Variants in NSMCE2 observed in about 807,000 individuals in gnomAD.
The protein encoded by NSMCE2 is E3 SUMO-protein ligase NSE2.
In NSMCE2, 24 loss-of-function variants were observed where a neutral mutation model predicts 23.8. The ratio of observed to expected loss-of-function variants is 1.01; its 90% confidence interval spans 0.73 to 1.42. NSMCE2 has a LOEUF of 1.42. NSMCE2 is among the 40% of genes most tolerant of loss of function. The pLI is 0.00. For missense variants in NSMCE2, 284 were observed against 296.5 expected, an observed-to-expected ratio of 0.96 and a Z score of 0.31; for synonymous variants, 92 against 94.1, an observed-to-expected ratio of 0.98 and a Z score of 0.13.
At chr8:125,254,155 A>G (rs756702381) in intron 5 of NSMCE2, among the ~76,000 whole-genome samples, 21 of 152,198 alleles carry the variant, frequency 1.4e-4, no homozygotes, top group East Asian at 1.9e-4. Context: ...TTTGACTCCA[A>G]TATTACATTT....
intron 5 of NSMCE2, among the ~76,000 whole-genome samples, chr8:125,237,202 A>G (rs891885059): frequency 6.6e-6 from 1 of 152,154 alleles, no homozygotes; most frequent in Non-Finnish European, 1.5e-5. Flanking sequence ...CTGAAAAGTA[A>G]ACTGAGAAGT....
intron 5 of NSMCE2, among the ~76,000 whole-genome samples, chr8:125,311,839 G>A (rs1436716088): frequency 6.6e-6 from 1 of 152,146 alleles, no homozygotes; most frequent in Non-Finnish European, 1.5e-5. Context: ...AGCACTTTGG[G>A]AGGCCAAGGC....
intron 3 of NSMCE2, among the ~76,000 whole-genome samples, chr8:125,129,749 GTTTC>G (rs555369700): frequency 1.4e-3 from 208 of 152,070 alleles, no homozygotes; most frequent in African/African-American, 4.2e-3. Flanking sequence ...TCTTTTTGCA[GTTTC>G]TTTCACCTCA....
rs546085758 is a variant in NSMCE2 at position 125,235,133 on chromosome 8, C to T, written c.418+52877C>T. 4.0e-5 allele frequency among the ~76,000 whole-genome samples: 6 copies of T among 151,738 alleles called. No individual in the cohort carries two copies. The South Asian group carries it at 8.4e-4, about 21-fold the overall frequency. ...GCACACGCCTGTAATCCCAGCTACT[C>T]GGGAGGCTGAGGCGGGAGAATCACT... On this transcript the variant is annotated intron_variant, in intron 5 of 7. Transcript: ENST00000287437.
At chr8:125,358,547 A>G (rs541251402) in intron 7 of NSMCE2, among the ~76,000 whole-genome samples, 3 of 152,044 alleles carry the variant, frequency 2.0e-5, no homozygotes, top group African/African-American at 7.2e-5. Flanking sequence ...CCCTTCTTCC[A>G]TGACCACGGA....
chr8:125,349,416 T>G (rs1812936196), intron 5 of NSMCE2, among the ~76,000 whole-genome samples: 1 of 152,164 alleles, frequency 6.6e-6, no homozygotes, highest in Non-Finnish European at 1.5e-5. Context: ...CTTCATATGC[T>G]ACTTTCATAG....
chr8:125,291,959 A>G (rs576734159), intron 5 of NSMCE2, among the ~76,000 whole-genome samples: 4 of 152,184 alleles, frequency 2.6e-5, no homozygotes, highest in African/African-American at 4.8e-5. Flanking sequence ...GGCTCTTTCC[A>G]TCTTGTGGTT....
At chr8:125,246,781 A>G (rs575883057) in intron 5 of NSMCE2, among the ~76,000 whole-genome samples, 21 of 152,320 alleles carry the variant, frequency 1.4e-4, no homozygotes, top group Non-Finnish European at 2.5e-4. Flanking sequence ...AAATAAAAAC[A>G]TTATGTACAA....
chr8:125,120,257 G>C (rs1272508752), intron 3 of NSMCE2, among the ~76,000 whole-genome samples: 1 of 152,158 alleles, frequency 6.6e-6, no homozygotes, highest in Non-Finnish European at 1.5e-5. Context: ...TGTCAGAGAA[G>C]GGCAAGAAAG....
intron 5 of NSMCE2, among the ~76,000 whole-genome samples, chr8:125,240,294 T>G (rs1476488352): frequency 6.6e-6 from 1 of 151,984 alleles, no homozygotes; most frequent in African/African-American, 2.4e-5. Context: ...CTGGCTAATT[T>G]TTGTGTTTTT....
chr8:125,188,933 T>C (rs569283658), intron 5 of NSMCE2, among the ~76,000 whole-genome samples: 1 of 152,298 alleles, frequency 6.6e-6, no homozygotes, highest in East Asian at 1.9e-4. Flanking sequence ...TGTGTGAGTT[T>C]TGAAACTTGG....
At chr8:125,303,288 C>G (rs187273714) in intron 5 of NSMCE2, among the ~76,000 whole-genome samples, 50 of 152,238 alleles carry the variant, frequency 3.3e-4, no homozygotes, top group Non-Finnish European at 6.8e-4. Flanking sequence ...TGGACACACC[C>G]TAAGTCAAGT....
intron 5 of NSMCE2, among the ~76,000 whole-genome samples, chr8:125,356,910 C>T (rs1399188752): frequency 1.3e-5 from 2 of 152,214 alleles, no homozygotes; most frequent in African/African-American, 2.4e-5. Flanking sequence ...CAGCGTCTCA[C>T]CACTGGACAA....
intron 5 of NSMCE2, among the ~76,000 whole-genome samples, chr8:125,236,381 C>A (rs1206971173): frequency 2.0e-5 from 3 of 150,596 alleles, no homozygotes; most frequent in Admixed American, 1.3e-4. Context: ...ATATATATAT[C>A]ATATGATCCC....
intron 5 of NSMCE2, among the ~76,000 whole-genome samples, chr8:125,257,687 CCAT>C (rs1300969848): frequency 6.6e-6 from 1 of 152,058 alleles, no homozygotes; most frequent in African/African-American, 2.4e-5. Context: ...GCGCTCACCA[CCAT>C]GCCTGTCGAA....
intron 5 of NSMCE2, among the ~76,000 whole-genome samples, chr8:125,279,277 G>A (rs887399138): frequency 2.0e-5 from 3 of 152,086 alleles, no homozygotes; most frequent in Non-Finnish European, 2.9e-5. Context: ...CAAGGGTTGG[G>A]TTTTTTCTTA....
chr8:125,266,325 C>T (rs879444402), intron 5 of NSMCE2, among the ~76,000 whole-genome samples: 2 of 152,110 alleles, frequency 1.3e-5, no homozygotes, highest in Non-Finnish European at 2.9e-5. Context: ...TTTTAAACCC[C>T]ATCAAACTGT....
chr8:125,139,086 G>A (rs1820220872), intron 3 of NSMCE2, among the ~76,000 whole-genome samples: 1 of 152,202 alleles, frequency 6.6e-6, no homozygotes, highest in African/African-American at 2.4e-5. Flanking sequence ...TCTTTGGAAG[G>A]ACTCTAATAA....
At chr8:125,096,067 A>C (rs1489848207) in intron 1 of NSMCE2, among the ~76,000 whole-genome samples, 1 of 152,144 alleles carries the variant, frequency 6.6e-6, no homozygotes, top group Non-Finnish European at 1.5e-5. Context: ...TTTTCCTCCA[A>C]GCAGTGATGT....
Sources: gnomAD v4.1 joint callset for allele counts (sites outside exome capture counted in the v4.1 genomes callset) on GRCh38, gnomAD v4.1.1 for gene constraint, MANE v1.5 for transcripts, NCBI Gene and HGNC (gene_info 2026-07-23, HGNC 2026-07-21) for gene names.